The following PLEKHH2 variants were observed in gnomAD, a reference collection of about 807,000 sequenced individuals.
The protein encoded by PLEKHH2 is pleckstrin homology, MyTH4 and FERM domain containing H2, also known as pleckstrin homology domain-containing family H member 2.
Under a neutral mutation model 187.9 loss-of-function variants are expected in PLEKHH2, and 129 were observed. The ratio of observed to expected loss-of-function variants is 0.69; its 90% confidence interval spans 0.59 to 0.79. PLEKHH2 has a LOEUF of 0.79. Ranked by LOEUF, PLEKHH2 falls within the 30% of genes least tolerant of loss-of-function variation. The probability of loss-of-function intolerance (pLI) is 0.00; values close to 1 mark genes in which losing one functional copy is unlikely to be tolerated. For missense variants in PLEKHH2, 2,076 were observed against 1,751.2 expected, an observed-to-expected ratio of 1.19 and a Z score of -3.31; for synonymous variants, 686 against 605.6, an observed-to-expected ratio of 1.13 and a Z score of -1.95.
intron 2 of PLEKHH2, among the ~76,000 whole-genome samples, chr2:43,670,863 G>A (rs1667463084): frequency 6.6e-6 from 1 of 151,888 alleles, no homozygotes; most frequent in African/African-American, 2.4e-5. Flanking sequence ...GTGATTTTCA[G>A]CATATAAATA....
At position 43,707,482 on chromosome 2, in the gene PLEKHH2, C is replaced by G; in HGVS notation, c.1903C>G (p.Arg635Gly). Residue 635 changes from arginine to glycine, a missense_variant, in exon 11 of 30, where the codon CGG becomes GGG. Arg to Gly is a moderately radical substitution (Grantham distance 125). Coordinates refer to ENST00000282406, the MANE Select transcript of PLEKHH2 (RefSeq NM_172069.4). ...AGAAGACAGCTCCAGATCCAGCTCC[C>G]GGACGTCAGAGTCAGACTCACGCAG... ...EEEDSSRSSSRTSESDSRSRS... is the reference protein window; with the variant it reads ...EEEDSSRSSSGTSESDSRSRS... 6.2e-7 allele frequency: 1 copy of G among 1,614,088 alleles called. No homozygotes were observed. Among genetic ancestry groups the G allele is most frequent in the Non-Finnish European group, 8.5e-7 (1 of 1,180,008 alleles).
At chr2:43,757,805 T>A (rs967391021) in intron 26 of PLEKHH2, among the ~76,000 whole-genome samples, 1 of 152,162 alleles carries the variant, frequency 6.6e-6, no homozygotes, top group African/African-American at 2.4e-5. Flanking sequence ...GATGTACTTT[T>A]TAATTGATCT....
At chr2:43,683,850 G>C (rs1250611770) in intron 3 of PLEKHH2, among the ~76,000 whole-genome samples, 1 of 151,932 alleles carries the variant, frequency 6.6e-6, no homozygotes, top group Non-Finnish European at 1.5e-5. Flanking sequence ...CATCAGGGAG[G>C]TTATTGCTTT....
chr2:43,638,128 G>T (rs1222541734), intron 1 of PLEKHH2, among the ~76,000 whole-genome samples: 3 of 152,128 alleles, frequency 2.0e-5, no homozygotes, highest in Admixed American at 2.0e-4. Context: ...TGAGGAGCTC[G>T]GCTGTTCTGG....
At chr2:43,655,922 T>TTAATA (rs1286186683) in intron 2 of PLEKHH2, among the ~76,000 whole-genome samples, 2 of 152,114 alleles carry the variant, frequency 1.3e-5, no homozygotes, top group Non-Finnish European at 2.9e-5. Flanking sequence ...CATTGTGCCA[T>TTAATA]TAATACTTCA....
chr2:43,731,588 A>C lies in PLEKHH2; in HGVS notation c.2929A>C (p.Ile977Leu), dbSNP rs1671042172. 6.4e-7 allele frequency: 1 copy of C among 1,558,620 alleles called. No homozygotes were observed. The change falls in exon 19 of 30, where the codon ATT (isoleucine) becomes CTT (leucine). Residue 977 changes from isoleucine to leucine, a missense_variant. Transcript: ENST00000282406. ...LPSEALQTEA[I>L]KLFKTCQLFI... ...TTCCGAAGCCCTGCAGACAGAAGCT[A>C]TTAAATTATTTAAGGTAAAATATTT...
intron 15 of PLEKHH2, among the ~76,000 whole-genome samples, chr2:43,713,388 A>G (rs959566653): frequency 1.3e-5 from 2 of 152,144 alleles, no homozygotes; most frequent in Non-Finnish European, 2.9e-5. Flanking sequence ...ATGGTTCATA[A>G]TAAAGAAAAA....
intron 3 of PLEKHH2, among the ~76,000 whole-genome samples, chr2:43,690,077 T>C (rs1329663932): frequency 6.6e-6 from 1 of 152,218 alleles, no homozygotes; most frequent in Non-Finnish European, 1.5e-5. Flanking sequence ...GAACTATCAT[T>C]TTGGACTTGG....
chr2:43,703,099 C>A (rs1406586313), intron 8 of PLEKHH2, among the ~76,000 whole-genome samples: 1 of 152,156 alleles, frequency 6.6e-6, no homozygotes, highest in Non-Finnish European at 1.5e-5. Context: ...CGAAAATGTC[C>A]CTGATAGTCG....
In PLEKHH2 at chr2:43,711,397, T is replaced by C. The variant is rs182057680; in HGVS notation, c.2301+822T>C. 70 of 984,346 alleles carry C rather than the reference T, an allele frequency of 7.1e-5. No homozygotes were observed. The East Asian group carries it at 6.4e-3, about 89-fold the overall frequency. 61.0% of individuals were successfully genotyped at this position (984,346 alleles called of 1,614,324 possible). On this transcript the variant is annotated intron_variant, in intron 14 of 29. Transcript: ENST00000282406. ...TTTCTGAAATTTGGAAAATTTGCAG[T>C]GTGGCTAATTTGAGACTGGAACATT... is the stretch of plus-strand genomic sequence containing the variant.
At chr2:43,669,963 TACAA>T (rs1667417614) in intron 2 of PLEKHH2, among the ~76,000 whole-genome samples, 1 of 152,042 alleles carries the variant, frequency 6.6e-6, no homozygotes, top group South Asian at 2.1e-4. Flanking sequence ...ATGAAACAAA[TACAA>T]ACAGTGTAAT....
intron 10 of PLEKHH2, among the ~76,000 whole-genome samples, chr2:43,707,112 C>T (rs2104507631): frequency 6.9e-6 from 1 of 145,710 alleles, no homozygotes; most frequent in South Asian, 2.2e-4. Flanking sequence ...AGGAGAATCG[C>T]TTGAACCTGG....
chr2:43,736,821 A>T (rs1017594039), intron 19 of PLEKHH2, among the ~76,000 whole-genome samples: 20 of 152,262 alleles, frequency 1.3e-4, no homozygotes, highest in African/African-American at 4.8e-4. Flanking sequence ...ACTCCGTCTA[A>T]AAAATAAATA....
rs374488644 is a variant in PLEKHH2, at chr2:43,676,331, C to A, written c.124-2532C>A. 3.1e-6 allele frequency: 5 copies of A among 1,588,168 alleles called. No individual in the cohort carries two copies. In the East Asian group the frequency reaches 6.7e-5, roughly 21 times the overall value. On this transcript the variant is annotated intron_variant, in intron 2 of 29. Transcript: ENST00000282406. ...CCACTAGCGGAAACCATTTTCCAGG[C>A]GTTAGGACAGTGTGCCAGGGTCAAA... is the stretch of plus-strand genomic sequence containing the variant.
chr2:43,681,562 G>A, intron 3 of PLEKHH2: 2 of 1,158,996 alleles, frequency 1.7e-6, no homozygotes, highest in Non-Finnish European at 1.3e-6. Context: ...ACTTCTGTGG[G>A]CCCGCACCTT....
chr2:43,761,287 C>T (rs1672418416), intron 27 of PLEKHH2, among the ~76,000 whole-genome samples: 1 of 151,818 alleles, frequency 6.6e-6, no homozygotes, highest in Non-Finnish European at 1.5e-5. Flanking sequence ...TGGAACCAAA[C>T]AAGCATCATT....
At chr2:43,704,760 C>G (rs1210011779) in intron 9 of PLEKHH2, among the ~76,000 whole-genome samples, 1 of 148,816 alleles carries the variant, frequency 6.7e-6, no homozygotes, top group African/African-American at 2.5e-5. Context: ...ATTTGCATTG[C>G]TATTTCATTC....
chr2:43,755,928 T>G (rs1202690103), intron 25 of PLEKHH2, among the ~76,000 whole-genome samples: 1 of 152,198 alleles, frequency 6.6e-6, no homozygotes, highest in Admixed American at 6.5e-5. Flanking sequence ...CACCTGTGCA[T>G]GGAGCTTTAT....
At chr2:43,711,552 A>G (rs1420090978) in intron 14 of PLEKHH2, 2 of 969,154 alleles carry the variant, frequency 2.1e-6, no homozygotes, top group Non-Finnish European at 2.5e-6. Context: ...TGCTAAAACT[A>G]TGCTATTTTA....
Sources: gnomAD v4.1 joint callset for allele counts (sites outside exome capture counted in the v4.1 genomes callset) on GRCh38, gnomAD v4.1.1 for gene constraint, MANE v1.5 for transcripts, NCBI Gene and HGNC (gene_info 2026-07-23, HGNC 2026-07-21) for gene names.